MAST3: variants seen among roughly 807,000 people sequenced by gnomAD.
MAST3 encodes microtubule associated serine/threonine kinase 3, also known as microtubule-associated serine/threonine-protein kinase 3.
In MAST3, 43 loss-of-function variants were observed where a neutral mutation model predicts 127.0. That is an observed-to-expected ratio of 0.34 (90% CI 0.27 to 0.44). The LOEUF is 0.44. Ranked by LOEUF, MAST3 falls within the 20% of genes least tolerant of loss-of-function variation. MAST3 has a pLI of 1.00. For synonymous variants in MAST3, 785 were observed against 809.2 expected (o/e 0.97, Z 0.51); for missense variants, 1,390 against 1,919.1 (o/e 0.72, Z 5.15).
Position 18,121,716 on chromosome 19 carries a change from G to A in MAST3, c.193G>A (p.Val65Ile). The change falls in exon 4 of 28, where the codon GTA (valine) becomes ATA (isoleucine). Residue 65 changes from valine (V) to isoleucine (I), a missense_variant. Around this residue, in one of 5 missense-constraint regions of MAST3, gnomAD observed 61 missense variants for 78.2 expected, o/e 0.78. Coordinates refer to ENST00000687212, the MANE Select transcript of MAST3 (RefSeq NM_001393504.1). ...CRSGNRKSLV[V>I]GTPSPTLSRP... is the part of the protein sequence containing the mutation. ...CAGCGGGAACCGCAAGAGCTTGGTGGTAGGAACGCCCTCCCCGACCCTCTC... is the reference window on the plus strand; with the variant it reads ...CAGCGGGAACCGCAAGAGCTTGGTGATAGGAACGCCCTCCCCGACCCTCTC... 1.9e-6 allele frequency: 3 copies of A among 1,613,944 alleles called. No homozygotes were observed. Among genetic ancestry groups the A allele is most frequent in the South Asian group, 2.2e-5 (2 of 91,080 alleles).
intron 21 of MAST3, among the ~76,000 whole-genome samples, chr19:18,142,395 A>G (rs1339128620): frequency 1.5e-5 from 2 of 137,404 alleles, no homozygotes. Flanking sequence ...TCTGTCGCAC[A>G]GGCTGGAGTG....
chr19:18,143,082 G>A (rs200332836), intron 21 of MAST3, among the ~76,000 whole-genome samples: 16,475 of 150,100 alleles, frequency 0.11, 1,139 homozygotes, highest in Admixed American at 0.15. Context: ...ACTGCACTCC[G>A]GCCGGGGTGA....
At position 18,109,890 on chromosome 19, in the gene MAST3, A is replaced by AGGGCCGGGGCGAGGGCAGAGGCC. The variant is rs1330702800; in HGVS notation, c.72-750_72-728dup. 5.2e-6 allele frequency: 5 copies of AGGGCCGGGGCGAGGGCAGAGGCC among 952,758 alleles called. No homozygotes were observed. In the African/African-American group the frequency reaches 8.8e-5, roughly 17 times the overall value. 59.0% of individuals were successfully genotyped at this position (952,758 alleles called of 1,614,324 possible). ...CAGATCCCGGCTCCCAGAGAGCCCC[A>AGGGCCGGGGCGAGGGCAGAGGCC]GGGCCGGGGCGAGGGCAGAGGCCGG... On this transcript the variant is annotated intron_variant, in intron 2 of 27. Coordinates refer to ENST00000687212, the MANE Select transcript of MAST3 (RefSeq NM_001393504.1).
At chr19:18,106,786 G>A (rs975064761) in intron 1 of MAST3, among the ~76,000 whole-genome samples, 1 of 151,226 alleles carries the variant, frequency 6.6e-6, no homozygotes, top group South Asian at 2.1e-4. Flanking sequence ...GGCCAGGCTG[G>A]TCTTGAACTC....
Position 18,124,763 on chromosome 19 carries a change from A to T in MAST3, c.1067A>T (p.Asp356Val). ...YIIGQLGLAK[D>V]PLEEMVPLSH... ...ATTGGGCAGCTGGGCCTGGCCAAGGACCCCCTGGAGGGTAAGCCGGGATGG... is the reference window on the plus strand; with the variant it reads ...ATTGGGCAGCTGGGCCTGGCCAAGGTCCCCCTGGAGGGTAAGCCGGGATGG... The change falls in exon 11 of 28, where the codon GAC becomes GTC. Residue 356 changes from aspartate to valine, a missense_variant. By Grantham distance (152) the Asp-to-Val change is radical. Around this residue, in one of 5 missense-constraint regions of MAST3, gnomAD observed 277 missense variants for 384.8 expected, o/e 0.72. Transcript: ENST00000687212. 1.9e-6 allele frequency: 3 copies of T among 1,595,104 alleles called. No individual in the cohort carries two copies. Among genetic ancestry groups the T allele is most frequent in the Non-Finnish European group, 2.6e-6 (3 of 1,169,812 alleles).
At chr19:18,142,347 CTTTTTTTTTTTT>C (rs776007010) in intron 21 of MAST3, among the ~76,000 whole-genome samples, 1 of 122,200 alleles carries the variant, frequency 8.2e-6, no homozygotes, top group Non-Finnish European at 1.7e-5. Context: ...GGAAGCTGGC[CTTTTTTTTTTTT>C]TTTTTTTTTT....
intron 3 of MAST3, among the ~76,000 whole-genome samples, chr19:18,119,709 C>G (rs2039730700): frequency 6.6e-6 from 1 of 152,200 alleles, no homozygotes. Flanking sequence ...TTTCATCCTT[C>G]AAGGTAGAGA....
At chr19:18,106,893 A>G (rs1010750249) in intron 1 of MAST3, among the ~76,000 whole-genome samples, 1 of 149,528 alleles carries the variant, frequency 6.7e-6, no homozygotes, top group Non-Finnish European at 1.5e-5. Flanking sequence ...TTTTGGAGAC[A>G]GGGCTCAAGC....
At position 18,135,010 on chromosome 19, in the gene MAST3, G is replaced by C. The variant is rs551461036; in HGVS notation, c.1870+28G>C. The C allele has an allele frequency of 1.9e-6, 3 of 1,567,238 alleles. No homozygotes were observed. The South Asian group carries it at 3.6e-5, about 19-fold the overall frequency. On this transcript the variant is annotated intron_variant, in intron 17 of 27. Transcript: ENST00000687212. ...GCGTTTCCTCCACGGGCCTGGGTTT[G>C]AGCTGCAGCCCCACCAGAGCTCTGG...
In MAST3 at chr19:18,122,799, T is replaced by G. The variant is rs82554; in HGVS notation, c.399+48T>G. 0.014 allele frequency: 22,556 copies of G among 1,560,998 alleles called. 2,497 individuals carry two copies. In the African/African-American group the frequency reaches 0.26, roughly 18 times the overall value. On this transcript the variant is annotated intron_variant, in intron 6 of 27. Transcript: ENST00000687212. Reference sequence around the variant, plus strand: ...AGGTGGACAGGCAGATGCCGGGTTGTGGGGGGACACATCTTTGTGTGTTTT... The same window carrying G: ...AGGTGGACAGGCAGATGCCGGGTTGGGGGGGGACACATCTTTGTGTGTTTT...
intron 1 of MAST3, among the ~76,000 whole-genome samples, chr19:18,106,567 A>G (rs2038083103): frequency 6.8e-6 from 1 of 146,962 alleles, no homozygotes; most frequent in Non-Finnish European, 1.5e-5. Context: ...TTATTTATTT[A>G]TTTATTTATT....
intron 3 of MAST3, among the ~76,000 whole-genome samples, chr19:18,113,486 G>C (rs1450169524): frequency 6.6e-6 from 1 of 151,858 alleles, no homozygotes; most frequent in Non-Finnish European, 1.5e-5. Flanking sequence ...TTGAGACGGA[G>C]TTTTCCTCTT....
rs1399457685 is a variant in MAST3, at chr19:18,110,063, C to T, written c.72-589C>T. 2 of 985,228 alleles carry T rather than the reference C, an allele frequency of 2.0e-6. No individual in the cohort carries two copies. Among genetic ancestry groups the T allele is most frequent in the Non-Finnish European group, 2.4e-6 (2 of 829,906 alleles). The allele number at this position is 985,228 out of a possible 1,614,324, so 61.0% of individuals were successfully genotyped here. On this transcript the variant is annotated intron_variant, in intron 2 of 27. Transcript: ENST00000687212. The surrounding 1 kb of genome is among the most constrained non-coding windows in gnomAD (Gnocchi z 4.3). ...GCGGCAGACAGGGCGGCACCCGCGGCTCCCCTTTCCCGCTGCGCGACCCTC... is the reference window on the plus strand; with the variant it reads ...GCGGCAGACAGGGCGGCACCCGCGGTTCCCCTTTCCCGCTGCGCGACCCTC...
intron 1 of MAST3, among the ~76,000 whole-genome samples, chr19:18,105,676 A>G (rs1249410295): frequency 2.0e-5 from 3 of 152,158 alleles, no homozygotes; most frequent in East Asian, 1.9e-4. Flanking sequence ...TCTGTCTCAA[A>G]AAAACAAAAA....
intron 10 of MAST3, 71 bp downstream of exon 10, chr19:18,124,437 AAGATAC>A: frequency 1.4e-6 from 2 of 1,441,594 alleles, no homozygotes; most frequent in South Asian, 2.5e-5. Context: ...CAGTCCTGCC[AAGATAC>A]AGGTGACAGT....
chr19:18,118,033 C>T (rs935667634), intron 3 of MAST3: 11 of 859,704 alleles, frequency 1.3e-5, no homozygotes, highest in African/African-American at 1.8e-5. Context: ...GCTTCCTTCT[C>T]GCCGCCCCCC....
At chr19:18,124,498 C>A in intron 10 of MAST3, 132 bp downstream of exon 10, 2 of 1,324,252 alleles carry the variant, frequency 1.5e-6, no homozygotes, top group South Asian at 1.4e-5. Context: ...TGCTATTGGG[C>A]TAGCGTGGGC....
At chr19:18,109,491 C>T (rs2038333945) in intron 2 of MAST3, among the ~76,000 whole-genome samples, 1 of 152,172 alleles carries the variant, frequency 6.6e-6, no homozygotes, top group Non-Finnish European at 1.5e-5. Context: ...CCAAAGACTC[C>T]ACAAGGGATG....
Position 18,144,775 on chromosome 19 carries a change from G to A in MAST3, c.2812+82G>A. ...GTGGGGGCCCTTCCTGAGTTGGGGAGGCTGGGGATGAGCCCCAGAAGAGGG... is the reference window on the plus strand; with the variant it reads ...GTGGGGGCCCTTCCTGAGTTGGGGAAGCTGGGGATGAGCCCCAGAAGAGGG... On this transcript the variant is annotated intron_variant, in intron 23 of 27. Coordinates refer to ENST00000687212, the MANE Select transcript of MAST3 (RefSeq NM_001393504.1). The surrounding 1 kb of genome is among the most constrained non-coding windows in gnomAD (Gnocchi z 4.0). 2.1e-6 allele frequency: 3 copies of A among 1,454,354 alleles called. No individual in the cohort carries two copies. The highest frequency in any genetic ancestry group is 3.5e-5 in the Admixed American group (2 of 57,788). 90.1% of individuals were successfully genotyped at this position (1,454,354 alleles called of 1,614,324 possible).
Sources: allele counts gnomAD v4.1 joint callset (sites outside exome capture counted in the v4.1 genomes callset), GRCh38; gene constraint gnomAD v4.1.1; regional missense constraint gnomAD v4.1.1; non-coding constraint Gnocchi (gnomAD v3.1); transcripts MANE v1.5; gene names NCBI Gene and HGNC (gene_info 2026-07-23, HGNC 2026-07-21).